The following EPB41L4A variants were observed in gnomAD, a reference collection of about 807,000 sequenced individuals.
EPB41L4A encodes erythrocyte membrane protein band 4.1 like 4A, also known as band 4.1-like protein 4A.
EPB41L4A carries 100 observed loss-of-function variants against 108.6 expected under a neutral mutation model. The observed-to-expected ratio is 0.92, with a 90% CI of 0.78 to 1.09. EPB41L4A has a LOEUF of 1.09. EPB41L4A is among the 50% of genes least tolerant of loss of function. EPB41L4A has a pLI of 0.00. For missense variants in EPB41L4A, 1,030 were observed against 842.7 expected (o/e 1.22, Z -2.75); for synonymous variants, 319 against 289.0 (o/e 1.10, Z -1.05).
intron 9 of EPB41L4A, among the ~76,000 whole-genome samples, chr5:112,251,986 T>C (rs1485298592): frequency 1.3e-5 from 2 of 152,194 alleles, no homozygotes; most frequent in Non-Finnish European, 2.9e-5. Context: ...TTGTCCACTT[T>C]AGTGGTCTGA....
At chr5:112,189,954 G>A (rs1021983605) in intron 17 of EPB41L4A, among the ~76,000 whole-genome samples, 4 of 152,116 alleles carry the variant, frequency 2.6e-5, no homozygotes, top group Admixed American at 6.5e-5. Flanking sequence ...GTCTACTTGC[G>A]AGGTCCTCCT....
chr5:112,195,499 T>C (rs1489601941), intron 16 of EPB41L4A, among the ~76,000 whole-genome samples, 162 bp downstream of exon 16: 1 of 152,026 alleles, frequency 6.6e-6, no homozygotes, highest in Non-Finnish European at 1.5e-5. Context: ...AGTCTTAGGA[T>C]GCAACAGAAT....
intron 1 of EPB41L4A, among the ~76,000 whole-genome samples, chr5:112,384,711 G>A (rs1183777762): frequency 6.6e-6 from 1 of 151,134 alleles, no homozygotes; most frequent in Non-Finnish European, 1.5e-5. Flanking sequence ...AAGGAAGGGA[G>A]AGGGAGGGAG....
At chr5:112,322,542 T>A (rs1473575229) in intron 1 of EPB41L4A, among the ~76,000 whole-genome samples, 1 of 152,186 alleles carries the variant, frequency 6.6e-6, no homozygotes, top group Non-Finnish European at 1.5e-5. Context: ...AGGAAGGCAC[T>A]GGGGTTGATG....
chr5:112,239,731 T>C lies in EPB41L4A; in HGVS notation c.894A>G (p.Pro298=), dbSNP rs1749636504. The change falls in exon 11 of 23, where the codon CCA becomes CCG. Residue 298 remains proline (P), a synonymous_variant. Coordinates refer to ENST00000261486, the MANE Select transcript of EPB41L4A (RefSeq NM_022140.5). The part of the protein sequence containing the change: ...SVEHHTFFRM[P]ENESNSLSRK... ...TTGACAGTGAATTGGATTCATTTTCTGGCATTCTAATCAATTTTTAAAAGA... is the reference window on the plus strand; with the variant it reads ...TTGACAGTGAATTGGATTCATTTTCCGGCATTCTAATCAATTTTTAAAAGA... 2 of 1,607,076 alleles carry C rather than the reference T, an allele frequency of 1.2e-6. No homozygotes were observed. Among genetic ancestry groups the C allele is most frequent in the Admixed American group, 1.7e-5 (1 of 59,094 alleles).
intron 1 of EPB41L4A, among the ~76,000 whole-genome samples, chr5:112,394,280 G>C (rs1377905383): frequency 3.3e-5 from 5 of 152,114 alleles, no homozygotes; most frequent in Admixed American, 6.5e-5. Flanking sequence ...TATTCAATCA[G>C]GAAAAGAGGA....
chr5:112,261,951 C>T (rs189099554), intron 7 of EPB41L4A, among the ~76,000 whole-genome samples: 45 of 145,222 alleles, frequency 3.1e-4, no homozygotes, highest in African/African-American at 1.1e-3. Flanking sequence ...TGCAGTGGCA[C>T]GATCTCGGCT....
intron 1 of EPB41L4A, among the ~76,000 whole-genome samples, chr5:112,323,719 C>A (rs1755958863): frequency 6.6e-6 from 1 of 152,156 alleles, no homozygotes; most frequent in Non-Finnish European, 1.5e-5. Flanking sequence ...TAACAGTCTC[C>A]CTTACCACAG....
intron 2 of EPB41L4A, among the ~76,000 whole-genome samples, chr5:112,304,383 G>A (rs1479220088): frequency 6.6e-6 from 1 of 152,100 alleles, no homozygotes. Flanking sequence ...GTCAAACCAA[G>A]GCCCTAATAT....
At chr5:112,311,462 T>C (rs370146449) in intron 1 of EPB41L4A, among the ~76,000 whole-genome samples, 28 of 152,332 alleles carry the variant, frequency 1.8e-4, no homozygotes, top group Non-Finnish European at 2.2e-4. Flanking sequence ...ACAGGCTCTA[T>C]AGATATCACA....
At chr5:112,234,097 T>C (rs898432338) in intron 12 of EPB41L4A, among the ~76,000 whole-genome samples, 1 of 151,664 alleles carries the variant, frequency 6.6e-6, no homozygotes, top group Non-Finnish European at 1.5e-5. Context: ...AGAGAGATGA[T>C]CACTTGAGCC....
chr5:112,216,521 C>A (rs6594576), intron 12 of EPB41L4A, among the ~76,000 whole-genome samples: 152,009 of 152,348 alleles, frequency 1, 75,836 homozygotes, highest in East Asian at 1. Flanking sequence ...GTGACATACA[C>A]TTTCTTTTAA....
At chr5:112,321,115 G>A (rs991432855) in intron 1 of EPB41L4A, among the ~76,000 whole-genome samples, 2 of 152,140 alleles carry the variant, frequency 1.3e-5, no homozygotes, top group East Asian at 3.8e-4. Flanking sequence ...TTTACATCAG[G>A]ATGCTAGATG....
intron 11 of EPB41L4A, among the ~76,000 whole-genome samples, chr5:112,236,899 G>A (rs1360325720): frequency 6.6e-6 from 1 of 152,170 alleles, no homozygotes; most frequent in African/African-American, 2.4e-5. Flanking sequence ...AAATAAAGCT[G>A]CACATGTGAA....
At chr5:112,158,515 T>C, downstream of EPB41L4A, 1 of 313,996 alleles carries the variant, frequency 3.2e-6, no homozygotes, top group Admixed American at 3.8e-5. Flanking sequence ...CAAGAAAATT[T>C]CCTCTCTCTC....
chr5:112,151,586 C>T (rs1248527651), intron 12 of EPB41L4A, among the ~76,000 whole-genome samples: 1 of 151,616 alleles, frequency 6.6e-6, no homozygotes, highest in African/African-American at 2.4e-5. Context: ...TTTTGTATTT[C>T]TTGTAGAGAT....
At chr5:112,386,276 AACCTT>A (rs1288863677) in intron 1 of EPB41L4A, among the ~76,000 whole-genome samples, 1 of 152,258 alleles carries the variant, frequency 6.6e-6, no homozygotes, top group African/African-American at 2.4e-5. Context: ...AAATGGCTCA[AACCTT>A]ACATAAAATA....
At chr5:112,339,926 T>G (rs1378551636) in intron 1 of EPB41L4A, among the ~76,000 whole-genome samples, 1 of 152,122 alleles carries the variant, frequency 6.6e-6, no homozygotes, top group Non-Finnish European at 1.5e-5. Context: ...TAAATATCAC[T>G]CTCTGGGCTC....
chr5:112,391,552 A>G (rs1410813566), intron 1 of EPB41L4A, among the ~76,000 whole-genome samples: 2 of 152,160 alleles, frequency 1.3e-5, no homozygotes, highest in African/African-American at 2.4e-5. Flanking sequence ...AAAGAAACGA[A>G]CAAAGCCTCC....
Sources: gnomAD v4.1 joint callset for allele counts (sites outside exome capture counted in the v4.1 genomes callset) on GRCh38, gnomAD v4.1.1 for gene constraint, MANE v1.5 for transcripts, NCBI Gene and HGNC (gene_info 2026-07-23, HGNC 2026-07-21) for gene names.